The following BLM variants were observed in gnomAD, a reference collection of about 807,000 sequenced individuals.
The protein encoded by BLM is BLM RecQ like helicase.
Under a neutral mutation model 135.3 loss-of-function variants are expected in BLM, and 95 were observed. The observed-to-expected ratio is 0.70, with a 90% CI of 0.59 to 0.83. The LOEUF is 0.83. BLM is among the 40% of genes least tolerant of loss of function. The pLI is 0.00. For missense variants in BLM, 1,518 were observed against 1,663.9 expected, an observed-to-expected ratio of 0.91 and a Z score of 1.53; for synonymous variants, 520 against 589.2, an observed-to-expected ratio of 0.88 and a Z score of 1.70.
intron 21 of BLM, among the ~76,000 whole-genome samples, chr15:90,813,564 T>C (rs534275777): frequency 2.6e-5 from 4 of 152,240 alleles, no homozygotes; most frequent in African/African-American, 9.6e-5. Context: ...GGGCTAATTT[T>C]TGTATTTTTA....
At chr15:90,773,722 A>G (rs773577965) in intron 12 of BLM, among the ~76,000 whole-genome samples, 8 of 152,160 alleles carry the variant, frequency 5.3e-5, no homozygotes, top group African/African-American at 9.7e-5. Context: ...TATAAATGGA[A>G]TCACATAACA....
intron 10 of BLM, among the ~76,000 whole-genome samples, chr15:90,768,923 A>T (rs1014786154): frequency 2.0e-5 from 3 of 152,132 alleles, no homozygotes; most frequent in African/African-American, 7.2e-5. Context: ...GTGGGGTTTC[A>T]CCATGTTGGT....
intron 1 of BLM, among the ~76,000 whole-genome samples, chr15:90,719,022 C>T (rs1458695239): frequency 1.3e-5 from 2 of 152,166 alleles, no homozygotes; most frequent in Admixed American, 6.5e-5. Context: ...GATGGAGTCT[C>T]GCTCTGTCGC....
chr15:90,760,094 A>G (rs766014547), intron 5 of BLM, 53 bp from the exon 6 acceptor site: 10 of 1,488,828 alleles, frequency 6.7e-6, no homozygotes, highest in Middle Eastern at 1.8e-4. Flanking sequence ...CCTAGCCAAG[A>G]CTTTTTTTTT....
At chr15:90,721,879 C>A (rs1009700327) in intron 1 of BLM, among the ~76,000 whole-genome samples, 1 of 149,834 alleles carries the variant, frequency 6.7e-6, no homozygotes, top group Non-Finnish European at 1.5e-5. Flanking sequence ...TGCAGTGAGC[C>A]GAGATCACAC....
At chr15:90,762,819 T>A in intron 7 of BLM, 147 bp from the exon 8 acceptor site, 5 of 785,776 alleles carry the variant, frequency 6.4e-6, no homozygotes, top group Non-Finnish European at 9.9e-6. Flanking sequence ...GCTTTGAGAC[T>A]TGTAGGGAAG....
rs533138287 is a variant in BLM, at chr15:90,782,992, A to T, written c.2662+64A>T. 3 of 1,279,738 alleles carry T rather than the reference A, an allele frequency of 2.3e-6. No homozygotes were observed. In the South Asian group the frequency reaches 3.7e-5, roughly 16 times the overall value. 79.3% of individuals were successfully genotyped at this position (1,279,738 alleles called of 1,614,324 possible). A position where few individuals can be genotyped will look rare whatever the true frequency, so the allele number is the denominator to read the frequency against. On this transcript the variant is annotated intron_variant, in intron 13 of 21. Transcript: ENST00000355112. ...AATGTCTTTTTAGTACCACAATAAG[A>T]TATATAAAATTGCATATTAAACATT...
intron 12 of BLM, among the ~76,000 whole-genome samples, chr15:90,773,532 T>C (rs1896386343): frequency 6.7e-6 from 1 of 149,854 alleles, no homozygotes; most frequent in South Asian, 2.1e-4. Context: ...TTTTTTTTTT[T>C]TTTAGTTTAT....
Position 90,726,976 on chromosome 15 carries a change from G to C in BLM, c.-5+9536G>C, listed in dbSNP as rs545041179. ...AGTGGGTTTGCTGAATCATATGGTA[G>C]GTCTATTTGTAGTTATTTGAGGAAC... On this transcript the variant is annotated intron_variant, in intron 1 of 21. Transcript: ENST00000355112. 3.9e-5 allele frequency among the ~76,000 whole-genome samples: 6 copies of C among 152,160 alleles called. 1 individual carries two copies. Among genetic ancestry groups the C allele is most frequent in the African/African-American group, 1.4e-4 (6 of 41,516 alleles).
Position 90,816,146 on chromosome 15 carries a change from A to G in BLM, c.*867A>G, listed in dbSNP as rs1044256556. The G allele has an allele frequency of 5.9e-5, 9 of 151,640 alleles. No homozygotes were observed. The highest frequency in any genetic ancestry group is 2.2e-4 in the African/African-American group (9 of 41,240). The allele number at this position is 151,640 out of a possible 1,614,324, so 9.4% of individuals were successfully genotyped here. On this transcript the variant is annotated 3_prime_UTR_variant, in exon 22 of 22. Transcript: ENST00000355112. ...TATGTGAAAAAGGTCAATCTCCATG[A>G]ATAAAAATATGATAAAACCATGTGA...
At chr15:90,782,335 C>T (rs1896635477) in intron 12 of BLM, among the ~76,000 whole-genome samples, 2 of 152,088 alleles carry the variant, frequency 1.3e-5, no homozygotes, top group African/African-American at 2.4e-5. Flanking sequence ...TTGTAGTGAG[C>T]CAAGATTGTG....
At chr15:90,756,952 T>C (rs1038606279) in intron 5 of BLM, among the ~76,000 whole-genome samples, 2 of 152,210 alleles carry the variant, frequency 1.3e-5, no homozygotes, top group Non-Finnish European at 2.9e-5. Context: ...GATATCTACC[T>C]TGCTGGGTAG....
intron 2 of BLM, 47 bp downstream of exon 2, chr15:90,747,537 C>T (rs377436866): frequency 7.8e-5 from 88 of 1,132,306 alleles, no homozygotes; most frequent in Non-Finnish European, 1.1e-4. Context: ...TAACTTACCA[C>T]ATTGTACACA....
chr15:90,757,855 T>C (rs980560914), intron 5 of BLM, among the ~76,000 whole-genome samples: 1 of 152,064 alleles, frequency 6.6e-6, no homozygotes, highest in African/African-American at 2.4e-5. Context: ...AGGCATCTGT[T>C]GTCCTTGCTT....
At chr15:90,741,856 G>A (rs1895371667) in intron 1 of BLM, among the ~76,000 whole-genome samples, 2 of 152,128 alleles carry the variant, frequency 1.3e-5, no homozygotes. Context: ...TTTTGCTGTT[G>A]TTTTTAATGG....
rs1896881384 is a variant in BLM at position 90,790,678 on chromosome 15, G to T, written c.2853G>T (p.Met951Ile). 11 of 1,614,158 alleles carry T rather than the reference G, an allele frequency of 6.8e-6. No homozygotes were observed. Among genetic ancestry groups the T allele is most frequent in the Non-Finnish European group, 9.3e-6 (11 of 1,180,016 alleles). The change falls in exon 15 of 22, where the codon ATG becomes ATT. Residue 951 changes from methionine to isoleucine, a missense_variant. Around this residue, in one of 5 missense-constraint regions of BLM, gnomAD observed 626 missense variants for 681.1 expected, o/e 0.92. Coordinates refer to ENST00000355112, the MANE Select transcript of BLM (RefSeq NM_000057.4). ...QVICATIAFGMGIDKPDVRFV... is the reference protein window; with the variant it reads ...QVICATIAFGIGIDKPDVRFV... ...TCTGTGCTACAATTGCATTTGGAAT[G>T]GGGATTGACAAACCGGACGTGCGAT... is the stretch of plus-strand genomic sequence containing the variant.
At chr15:90,741,121 T>C (rs1895353643) in intron 1 of BLM, among the ~76,000 whole-genome samples, 1 of 152,186 alleles carries the variant, frequency 6.6e-6, no homozygotes, top group Non-Finnish European at 1.5e-5. Context: ...GCTTTTATTA[T>C]AGCTACTTTT....
chr15:90,755,574 T>G (rs1443346827), intron 5 of BLM, among the ~76,000 whole-genome samples: 1 of 152,238 alleles, frequency 6.6e-6, no homozygotes, highest in African/African-American at 2.4e-5. Flanking sequence ...TTCCCACTCT[T>G]GGTGTCTGCT....
intron 1 of BLM, among the ~76,000 whole-genome samples, chr15:90,735,323 A>G (rs968557093): frequency 6.7e-6 from 1 of 148,548 alleles, no homozygotes; most frequent in South Asian, 2.1e-4. Flanking sequence ...TGCAATCTCA[A>G]TATAAATATC....
Sources: gnomAD v4.1 joint callset for allele counts (sites outside exome capture counted in the v4.1 genomes callset) on GRCh38, gnomAD v4.1.1 for gene constraint, gnomAD v4.1.1 regional missense constraint, MANE v1.5 for transcripts, NCBI Gene and HGNC (gene_info 2026-07-23, HGNC 2026-07-21) for gene names.